SV2C: variants seen among roughly 807,000 people sequenced by gnomAD.
The protein encoded by SV2C is synaptic vesicle glycoprotein 2C.
In SV2C, 49 loss-of-function variants were observed where a neutral mutation model predicts 79.7. The observed-to-expected ratio is 0.61, with a 90% CI of 0.49 to 0.78. The LOEUF (loss-of-function observed/expected upper bound fraction) is 0.78, where lower values mean the gene tolerates loss of function less well. SV2C is among the 30% of genes least tolerant of loss of function. The probability of loss-of-function intolerance (pLI) is 0.00; values close to 1 mark genes in which losing one functional copy is unlikely to be tolerated. For synonymous variants in SV2C, 334 were observed against 333.2 expected, an observed-to-expected ratio of 1.00 and a Z score of -0.03; for missense variants, 833 against 912.9, an observed-to-expected ratio of 0.91 and a Z score of 1.13.
intron 12 of SV2C, among the ~76,000 whole-genome samples, chr5:76,318,311 G>T (rs894249318): frequency 7.9e-5 from 12 of 152,208 alleles, no homozygotes; most frequent in African/African-American, 1.9e-4. Context: ...CCAGCTACTT[G>T]GGAGGCTGAG....
At chr5:76,212,502 T>G (rs1043388675) in intron 4 of SV2C, among the ~76,000 whole-genome samples, 2 of 151,660 alleles carry the variant, frequency 1.3e-5, no homozygotes, top group African/African-American at 4.8e-5. Flanking sequence ...TTAGCCGGCC[T>G]TCAGGCCAGC....
intron 4 of SV2C, among the ~76,000 whole-genome samples, chr5:76,263,846 C>A (rs144814460): frequency 0.015 from 2,360 of 152,268 alleles, 60 homozygotes; most frequent in African/African-American, 0.052. Flanking sequence ...TTTTCTCTGG[C>A]TGCCCTTAAC....
At chr5:76,050,267 T>C in the SV2C span, among the ~76,000 whole-genome samples, 1 of 152,340 alleles carries the variant, frequency 6.6e-6, no homozygotes, top group East Asian at 1.9e-4. Flanking sequence ...TAAATTGTAC[T>C]TGGTTTCAAT....
chr5:75,900,749 C>T, the SV2C span, among the ~76,000 whole-genome samples: 2 of 152,210 alleles, frequency 1.3e-5, no homozygotes, highest in Non-Finnish European at 2.9e-5. Flanking sequence ...GGTCTTTTCA[C>T]ATAGTCCCAT....
At chr5:76,276,029 C>T (rs1255728882) in intron 4 of SV2C, among the ~76,000 whole-genome samples, 1 of 152,130 alleles carries the variant, frequency 6.6e-6, no homozygotes, top group African/African-American at 2.4e-5. Context: ...AAGCAACAAC[C>T]CACTTTCCCA....
the SV2C span, among the ~76,000 whole-genome samples, chr5:75,880,786 A>G: frequency 6.6e-6 from 1 of 152,154 alleles, no homozygotes; most frequent in Non-Finnish European, 1.5e-5. Flanking sequence ...AGGTATCTTT[A>G]TATCAATGCC....
the SV2C span, among the ~76,000 whole-genome samples, chr5:75,922,613 A>C: frequency 3.9e-5 from 6 of 152,236 alleles, no homozygotes; most frequent in Non-Finnish European, 1.5e-5. Context: ...GAATAAAAGA[A>C]GACTGTCTTT....
At chr5:76,129,149 C>T (rs1282022022) in intron 1 of SV2C, among the ~76,000 whole-genome samples, 10 of 152,182 alleles carry the variant, frequency 6.6e-5, no homozygotes, top group Admixed American at 6.5e-4. Context: ...TGTAGATTCA[C>T]ATGCAGTTGT....
At chr5:76,264,399 GT>G (rs1359199142) in intron 4 of SV2C, among the ~76,000 whole-genome samples, 2 of 152,020 alleles carry the variant, frequency 1.3e-5, no homozygotes, top group African/African-American at 4.8e-5. Flanking sequence ...GCTCAGAGGA[GT>G]TTGTTATTAC....
intron 4 of SV2C, among the ~76,000 whole-genome samples, chr5:76,236,620 G>T (rs1399146308): frequency 1.3e-5 from 2 of 151,930 alleles, no homozygotes; most frequent in Non-Finnish European, 2.9e-5. Flanking sequence ...GAGATGCCAG[G>T]TTCTTTTTAA....
chr5:75,895,062 G>GCA, the SV2C span, among the ~76,000 whole-genome samples: 1 of 152,100 alleles, frequency 6.6e-6, no homozygotes, highest in African/African-American at 2.4e-5. Context: ...CGCTTACCAA[G>GCA]CAGATACTTC....
At chr5:76,146,236 C>T (rs754340331) in intron 2 of SV2C, among the ~76,000 whole-genome samples, 12 of 152,146 alleles carry the variant, frequency 7.9e-5, no homozygotes, top group Non-Finnish European at 1.5e-4. Context: ...CCCTAGAGAA[C>T]GTTCTTGGAT....
intron 3 of SV2C, among the ~76,000 whole-genome samples, chr5:76,207,676 C>T (rs987200129): frequency 6.6e-6 from 1 of 152,122 alleles, no homozygotes; most frequent in African/African-American, 2.4e-5. Context: ...CACTCTGTCA[C>T]CCAGGCTGGA....
At chr5:75,958,170 G>A in the SV2C span, among the ~76,000 whole-genome samples, 3 of 151,964 alleles carry the variant, frequency 2.0e-5, no homozygotes, top group Non-Finnish European at 4.4e-5. Context: ...TCCAAAATAA[G>A]CTCCTGGCAT....
chr5:76,315,261 A>AAGAT (rs1176386024), intron 12 of SV2C, among the ~76,000 whole-genome samples: 1 of 151,964 alleles, frequency 6.6e-6, no homozygotes, highest in Non-Finnish European at 1.5e-5. Flanking sequence ...TCTTTCTTTG[A>AAGAT]AGATTAGAAA....
intron 3 of SV2C, among the ~76,000 whole-genome samples, chr5:76,200,720 G>A (rs1744417832): frequency 6.6e-6 from 1 of 152,118 alleles, no homozygotes; most frequent in South Asian, 2.1e-4. Context: ...GCTCACTGCA[G>A]CCTTGACCTC....
chr5:76,250,738 C>CA (rs1256563519), intron 4 of SV2C, among the ~76,000 whole-genome samples: 2 of 152,152 alleles, frequency 1.3e-5, no homozygotes, highest in Non-Finnish European at 2.9e-5. Context: ...TATGCTGGCT[C>CA]AGTACTAAGC....
intron 3 of SV2C, among the ~76,000 whole-genome samples, chr5:76,197,706 G>A (rs75417020): frequency 6.4e-4 from 2 of 3,128 alleles, no homozygotes; most frequent in African/African-American, 4.2e-3. Context: ...AGATAGACAG[G>A]CAGATAGATA....
chr5:76,294,675 A>T (rs1438307524), intron 8 of SV2C, among the ~76,000 whole-genome samples: 1 of 152,126 alleles, frequency 6.6e-6, no homozygotes, highest in African/African-American at 2.4e-5. Context: ...ATCCTGTGGT[A>T]TTTTATATTT....
Sources: allele counts gnomAD v4.1 joint callset (sites outside exome capture counted in the v4.1 genomes callset), GRCh38; gene constraint gnomAD v4.1.1; transcripts MANE v1.5; gene names NCBI Gene and HGNC (gene_info 2026-07-23, HGNC 2026-07-21).